Variants in ARHGEF7 observed in about 807,000 individuals in gnomAD.
ARHGEF7 encodes Rho guanine nucleotide exchange factor 7.
ARHGEF7 carries 33 observed loss-of-function variants against 109.8 expected under a neutral mutation model. The observed-to-expected ratio is 0.30, with a 90% CI of 0.23 to 0.40. ARHGEF7 has a LOEUF of 0.40. Among genes scored for constraint, ARHGEF7 ranks in the 10% least tolerant of loss-of-function variants. The pLI is 1.00. For missense variants in ARHGEF7, 938 were observed against 1,098.5 expected (o/e 0.85, Z 2.07); for synonymous variants, 458 against 424.6 (o/e 1.08, Z -0.97).
chr13:111,176,850 G>A (rs747300329), intron 2 of ARHGEF7, among the ~76,000 whole-genome samples: 15 of 152,274 alleles, frequency 9.9e-5, no homozygotes, highest in Non-Finnish European at 1.8e-4. Context: ...TCTGCCTCCC[G>A]GATTCAAGCG....
chr13:111,244,410 TA>T (rs1307952297), intron 8 of ARHGEF7, 116 bp downstream of exon 8: 3 of 669,536 alleles, frequency 4.5e-6, no homozygotes, highest in Non-Finnish European at 5.0e-6. Context: ...TAAGTTATTT[TA>T]AATCTTTTGG....
chr13:111,235,220 A>G (rs2086640782), intron 6 of ARHGEF7, among the ~76,000 whole-genome samples: 1 of 152,244 alleles, frequency 6.6e-6, no homozygotes, highest in African/African-American at 2.4e-5. Context: ...CAGTGTTTAA[A>G]TTGGTGCCAA....
At chr13:111,209,430 C>T (rs2082245645) in intron 3 of ARHGEF7, 1 of 153,010 alleles carries the variant, frequency 6.5e-6, no homozygotes. Context: ...TGGATTTTCT[C>T]TTTTAAATAA....
rs536290975 is a variant in ARHGEF7 at position 111,192,856 on chromosome 13, C to T, written c.253-12433C>T. ...GCCTTCTCTGTCTTGCGAGGGAAAG[C>T]CTTTATCCAATTTGTAGAGGTATCA... On this transcript the variant is annotated intron_variant, in intron 2 of 21. Transcript: ENST00000646102. 1.1e-4 allele frequency among the ~76,000 whole-genome samples: 17 copies of T among 152,312 alleles called. No individual in the cohort carries two copies. The East Asian group carries it at 2.3e-3, about 21-fold the overall frequency.
At chr13:111,207,608 A>G (rs1329179777) in intron 3 of ARHGEF7, among the ~76,000 whole-genome samples, 2 of 152,250 alleles carry the variant, frequency 1.3e-5, no homozygotes, top group Non-Finnish European at 2.9e-5. Context: ...GGAGCAGAAG[A>G]TAGTAACTTT....
Position 111,303,345 on chromosome 13 carries a change from CTG to C in ARHGEF7, c.*235_*236del, listed in dbSNP as rs372805108. The C allele has an allele frequency of 1.1e-4, 40 of 351,312 alleles. No homozygotes were observed. The East Asian group carries it at 1.3e-3, about 11-fold the overall frequency. 21.8% of individuals were successfully genotyped at this position (351,312 alleles called of 1,614,324 possible). ...AGGACCTGAGCTACATCAATCCACTCTGTGAACATCTCAGTTACCTCATTCTG... is the reference window on the plus strand; with the variant it reads ...AGGACCTGAGCTACATCAATCCACTCTGAACATCTCAGTTACCTCATTCTG... On this transcript the variant is annotated 3_prime_UTR_variant, in exon 22 of 22. Transcript: ENST00000646102.
At chr13:111,260,755 G>A (rs117132020) in intron 8 of ARHGEF7, among the ~76,000 whole-genome samples, 2,277 of 152,244 alleles carry the variant, frequency 0.015, 30 homozygotes, top group Middle Eastern at 0.041. Context: ...GAGTAGAAAG[G>A]TTAAAAGATG....
At chr13:111,221,561 A>ATATATAGATACATATCGATATATATC (rs1566876962) in intron 5 of ARHGEF7, among the ~76,000 whole-genome samples, 1 of 46,586 alleles carries the variant, frequency 2.1e-5, no homozygotes, top group Non-Finnish European at 4.0e-5. Flanking sequence ...CTATATATCT[A>ATATATAGATACATATCGATATATATC]TATATATAGA....
chr13:111,208,730 TA>T (rs1373357386), intron 3 of ARHGEF7, among the ~76,000 whole-genome samples: 2 of 152,180 alleles, frequency 1.3e-5, no homozygotes, highest in Non-Finnish European at 2.9e-5. Flanking sequence ...AGATTACTCG[TA>T]ACCTGCCCTC....
chr13:111,221,727 A>G (rs2084429861), intron 5 of ARHGEF7, among the ~76,000 whole-genome samples: 1 of 150,416 alleles, frequency 6.6e-6, no homozygotes, highest in African/African-American at 2.5e-5. Flanking sequence ...CTATATATAC[A>G]GCTAATAGGA....
chr13:111,221,374 T>C (rs1405890677), intron 5 of ARHGEF7, among the ~76,000 whole-genome samples: 1 of 41,782 alleles, frequency 2.4e-5, no homozygotes, highest in African/African-American at 8.0e-5. Flanking sequence ...TCTATATATA[T>C]ATCTATATAT....
At chr13:111,277,282 T>C (rs1426399741) in intron 12 of ARHGEF7, among the ~76,000 whole-genome samples, 1 of 152,228 alleles carries the variant, frequency 6.6e-6, no homozygotes, top group African/African-American at 2.4e-5. Context: ...CACAGGCTAA[T>C]TGTGAGTCCA....
At chr13:111,208,837 C>T (rs973072163) in intron 3 of ARHGEF7, among the ~76,000 whole-genome samples, 1 of 152,068 alleles carries the variant, frequency 6.6e-6, no homozygotes, top group East Asian at 1.9e-4. Flanking sequence ...AGGCAGGTGG[C>T]GTGAAGGGAG....
chr13:111,141,744 T>C lies in ARHGEF7; in HGVS notation c.166-12161T>C, dbSNP rs547897771. Among the ~76,000 whole-genome samples, 5 of 152,342 alleles carry C rather than the reference T, an allele frequency of 3.3e-5. No homozygotes were observed. The South Asian group carries it at 1.0e-3, about 32-fold the overall frequency. On this transcript the variant is annotated intron_variant, in intron 1 of 21. Coordinates refer to ENST00000646102, the MANE Select transcript of ARHGEF7 (RefSeq NM_001354046.2). ...ACCTATTGAAGTACATCCTGGTTGC[T>C]TCCAAGTGTTGGTAATTGTGAAGAA...
intron 2 of ARHGEF7, among the ~76,000 whole-genome samples, chr13:111,172,938 A>G (rs2077738260): frequency 1.3e-5 from 2 of 152,240 alleles, no homozygotes; most frequent in Non-Finnish European, 2.9e-5. Flanking sequence ...AAATATGAAA[A>G]TCCAAAATCT....
chr13:111,160,043 C>T (rs2076627621), intron 2 of ARHGEF7, among the ~76,000 whole-genome samples: 1 of 152,152 alleles, frequency 6.6e-6, no homozygotes, highest in Non-Finnish European at 1.5e-5. Flanking sequence ...TGTTGTGAGA[C>T]AAGGTTCCAA....
chr13:111,273,974 A>ACT lies in ARHGEF7; in HGVS notation c.1212+23_1212+24dup, dbSNP rs756820201. 8.8e-5 allele frequency: 142 copies of ACT among 1,612,048 alleles called. No individual in the cohort carries two copies. The African/African-American group carries it at 1.7e-3, about 20-fold the overall frequency. ...GGAGGTACTGCGCTTTCATTCTCTT[A>ACT]CTTGGAGTCCTTACCAAGGGTTAGT... On this transcript the variant is annotated intron_variant, in intron 10 of 21. Transcript: ENST00000646102. The surrounding 1 kb of genome is among the most constrained non-coding windows in gnomAD (Gnocchi z 4.5).
At chr13:111,139,935 A>G (rs2075272773) in intron 1 of ARHGEF7, among the ~76,000 whole-genome samples, 1 of 152,230 alleles carries the variant, frequency 6.6e-6, no homozygotes, top group South Asian at 2.1e-4. Flanking sequence ...TAAAACTAAG[A>G]CAATCTTTCA....
intron 19 of ARHGEF7, chr13:111,294,813 CTAGAAGG>C: frequency 1.0e-6 from 1 of 985,802 alleles, no homozygotes; most frequent in Non-Finnish European, 1.2e-6. Flanking sequence ...AGAGTCTGAA[CTAGAAGG>C]TAGGTTTAAG....
Sources: allele counts gnomAD v4.1 joint callset (sites outside exome capture counted in the v4.1 genomes callset), GRCh38; gene constraint gnomAD v4.1.1; non-coding constraint Gnocchi (gnomAD v3.1); transcripts MANE v1.5; gene names NCBI Gene and HGNC (gene_info 2026-07-23, HGNC 2026-07-21).